Variants in FMN2 observed in about 807,000 individuals in gnomAD.
The protein encoded by FMN2 is formin-2.
FMN2 carries 51 observed loss-of-function variants against 142.3 expected under a neutral mutation model. The ratio of observed to expected loss-of-function variants is 0.36; its 90% CI spans 0.29 to 0.45. FMN2 has a LOEUF of 0.45. FMN2 is among the 20% of genes least tolerant of loss of function. FMN2 has a pLI of 1.00. For synonymous variants in FMN2, 882 were observed against 869.8 expected, an observed-to-expected ratio of 1.01 and a Z score of -0.25; for missense variants, 1,936 against 2,122.8, an observed-to-expected ratio of 0.91 and a Z score of 1.73.
intron 16 of FMN2, among the ~76,000 whole-genome samples, chr1:240,443,665 A>C (rs1334761432): frequency 6.6e-6 from 1 of 152,166 alleles, no homozygotes; most frequent in African/African-American, 2.4e-5. Context: ...AGGCAGAAGA[A>C]TTGCTTGAAC....
intron 1 of FMN2, among the ~76,000 whole-genome samples, chr1:240,116,874 C>T (rs866799235): frequency 4.0e-5 from 6 of 151,894 alleles, no homozygotes; most frequent in Non-Finnish European, 8.8e-5. Context: ...AGGTAGCAAA[C>T]GTAGTTAATT....
At chr1:240,209,058 C>G (rs1189084033) in intron 5 of FMN2, among the ~76,000 whole-genome samples, 1 of 152,170 alleles carries the variant, frequency 6.6e-6, no homozygotes. Flanking sequence ...AGTTGTAAGA[C>G]TGCTACTTAT....
At chr1:240,460,856 G>T (rs922995863) in intron 16 of FMN2, among the ~76,000 whole-genome samples, 5 of 151,870 alleles carry the variant, frequency 3.3e-5, no homozygotes, top group Admixed American at 1.3e-4. Flanking sequence ...TGTTCTCCTG[G>T]GCAAACATTG....
rs753071977 is a variant in FMN2, at chr1:240,177,922, A to G, written c.1784A>G (p.Gln595Arg). The change falls in exon 3 of 18, where the codon CAA becomes CGA. Residue 595 changes from glutamine (Q) to arginine (R), a missense_variant and splice_region_variant. By Grantham distance (43) the Gln-to-Arg change is conservative. This residue lies in a region of FMN2 where 478 missense variants were observed against 462.8 expected (regional missense o/e 1.03). Coordinates refer to ENST00000319653, the MANE Select transcript of FMN2 (RefSeq NM_020066.5). ...AACATTTTTTATTTTTAAATATAGC[A>G]AGATCAACTTTATACCTGGGCTGCA... ...NAQTNAASFD[Q>R]DQLYTWAAVS... 4 of 1,553,202 alleles carry G rather than the reference A, an allele frequency of 2.6e-6. No individual in the cohort carries two copies. Among genetic ancestry groups the G allele is most frequent in the East Asian group, 2.3e-5 (1 of 43,740 alleles).
chr1:240,348,887 A>G (rs552687467), intron 13 of FMN2, among the ~76,000 whole-genome samples: 3 of 152,172 alleles, frequency 2.0e-5, no homozygotes, highest in African/African-American at 7.2e-5. Flanking sequence ...GCCTCACTAC[A>G]TGGAGTGACT....
chr1:240,103,433 G>A (rs1446928004), intron 1 of FMN2, among the ~76,000 whole-genome samples: 2 of 152,160 alleles, frequency 1.3e-5, no homozygotes, highest in African/African-American at 4.8e-5. Context: ...GACATCACAA[G>A]CCTAGGATAT....
chr1:240,382,327 A>G (rs1199452883), intron 14 of FMN2, among the ~76,000 whole-genome samples: 1 of 152,078 alleles, frequency 6.6e-6, no homozygotes, highest in African/African-American at 2.4e-5. Context: ...AATTGTGTAG[A>G]TGGCACAAAT....
At chr1:240,144,792 T>C (rs1466855593) in intron 2 of FMN2, 8 of 1,425,068 alleles carry the variant, frequency 5.6e-6, no homozygotes, top group African/African-American at 1.4e-5. Flanking sequence ...TGGACCATGT[T>C]GTAGGGGACG....
intron 2 of FMN2, among the ~76,000 whole-genome samples, chr1:240,153,772 G>A (rs1224562313): frequency 1.3e-5 from 2 of 152,072 alleles, no homozygotes; most frequent in Admixed American, 6.6e-5. Flanking sequence ...TAAATTTCAT[G>A]AACTTTTTGT....
intron 8 of FMN2, among the ~76,000 whole-genome samples, chr1:240,328,526 A>G (rs1422301810): frequency 6.6e-6 from 1 of 151,732 alleles, no homozygotes; most frequent in African/African-American, 2.4e-5. Context: ...ATTTGGGGAT[A>G]ATCTGGTTTG....
chr1:240,209,180 T>G (rs1666575842), intron 5 of FMN2, among the ~76,000 whole-genome samples: 1 of 152,186 alleles, frequency 6.6e-6, no homozygotes, highest in Admixed American at 6.5e-5. Context: ...AATCTACTCT[T>G]TGCTTTTACT....
At chr1:240,200,544 A>T (rs2103371035) in intron 4 of FMN2, among the ~76,000 whole-genome samples, 1 of 152,172 alleles carries the variant, frequency 6.6e-6, no homozygotes, top group East Asian at 1.9e-4. Context: ...AATCCTACAT[A>T]CATTTGGCTA....
At chr1:240,252,569 T>C (rs1668310933) in intron 6 of FMN2, among the ~76,000 whole-genome samples, 1 of 151,712 alleles carries the variant, frequency 6.6e-6, no homozygotes, top group Non-Finnish European at 1.5e-5. Context: ...TTCAGCTCTT[T>C]GAATATATCA....
chr1:240,430,012 A>G (rs1390156096), intron 15 of FMN2, among the ~76,000 whole-genome samples: 1 of 151,654 alleles, frequency 6.6e-6, no homozygotes, highest in Non-Finnish European at 1.5e-5. Context: ...CAGCCTCCCA[A>G]GTAGCTGGGA....
intron 2 of FMN2, among the ~76,000 whole-genome samples, chr1:240,134,942 A>G (rs1662879541): frequency 6.6e-6 from 1 of 152,130 alleles, no homozygotes; most frequent in Non-Finnish European, 1.5e-5. Context: ...GTGAAGGGAA[A>G]TCTGTCATGC....
intron 7 of FMN2, among the ~76,000 whole-genome samples, chr1:240,265,647 C>T (rs191112880): frequency 2.6e-5 from 4 of 152,230 alleles, no homozygotes; most frequent in African/African-American, 9.6e-5. Flanking sequence ...GCTATGGCAG[C>T]CCAAGCTGTC....
At chr1:240,372,785 C>T (rs12062812) in intron 14 of FMN2, among the ~76,000 whole-genome samples, 2,167 of 152,008 alleles carry the variant, frequency 0.014, 52 homozygotes, top group African/African-American at 0.05. Context: ...TGGGGGTTCC[C>T]AGTGCATATA....
At chr1:240,136,827 C>T (rs1011734163) in intron 2 of FMN2, among the ~76,000 whole-genome samples, 2 of 152,102 alleles carry the variant, frequency 1.3e-5, no homozygotes, top group Non-Finnish European at 2.9e-5. Flanking sequence ...AATCCCAGCA[C>T]TTTGGGAGGC....
chr1:240,231,935 T>G (rs1667538545), intron 6 of FMN2, among the ~76,000 whole-genome samples: 1 of 152,260 alleles, frequency 6.6e-6, no homozygotes, highest in Admixed American at 6.5e-5. Flanking sequence ...TCCTCATTGC[T>G]TGGTTTCCTT....
Sources: gnomAD v4.1 joint callset for allele counts (sites outside exome capture counted in the v4.1 genomes callset) on GRCh38, gnomAD v4.1.1 for gene constraint, gnomAD v4.1.1 regional missense constraint, MANE v1.5 for transcripts, NCBI Gene and HGNC (gene_info 2026-07-23, HGNC 2026-07-21) for gene names.